Variants in CLPS observed in about 807,000 individuals in gnomAD.
CLPS encodes colipase.
A neutral mutation model predicts 9.3 loss-of-function variants in CLPS; 8 were observed. The ratio of observed to expected loss-of-function variants is 0.86; its 90% CI spans 0.51 to 1.56. The LOEUF (loss-of-function observed/expected upper bound fraction) is 1.56. Among genes scored for constraint, CLPS ranks in the 40% most tolerant of loss-of-function variants. CLPS has a pLI of 0.00. For missense variants in CLPS, 144 were observed against 145.7 expected, an observed-to-expected ratio of 0.99 and a Z score of 0.06; for synonymous variants, 61 against 56.2, an observed-to-expected ratio of 1.09 and a Z score of -0.39.
At position 35,797,269 on chromosome 6, in the gene CLPS, A is replaced by G; in HGVS notation, c.20T>C (p.Leu7Pro). MEKILI[L>P]LLVALSVAYA... is the part of the protein sequence containing the mutation. ...GGCCACAGAGAGGGCGACAAGCAGG[A>G]GGATCAGGATCTTCTCCATGGTGAG... The change falls in exon 1 of 3, where the codon CTC becomes CCC. Residue 7 changes from leucine (L) to proline (P), a missense_variant. Leu to Pro is a moderately conservative substitution (Grantham distance 98). Coordinates refer to ENST00000259938, the MANE Select transcript of CLPS (RefSeq NM_001832.4). 6.2e-7 allele frequency: 1 copy of G among 1,614,030 alleles called. No homozygotes were observed. Among genetic ancestry groups the G allele is most frequent in the Non-Finnish European group, 8.5e-7 (1 of 1,179,956 alleles).
intron 2 of CLPS, 63 bp downstream of exon 2, chr6:35,795,668 C>A: frequency 6.3e-7 from 1 of 1,592,702 alleles, no homozygotes; most frequent in South Asian, 1.1e-5. Flanking sequence ...TGATCCCACT[C>A]ACAAGTGTTC....
chr6:35,795,736 C>A lies in CLPS; in HGVS notation c.202G>T (p.Val68Phe), dbSNP rs1000840014. 7 of 1,612,188 alleles carry A rather than the reference C, an allele frequency of 4.3e-6. No homozygotes were observed. Among genetic ancestry groups the A allele is most frequent in the Non-Finnish European group, 5.9e-6 (7 of 1,179,968 alleles). The part of the protein sequence containing the change: ...SMASENSECS[V>F]KTLYGIYYKC... ...CCAAGTCCTCAGGCACCCACCTTGA[C>A]AGAGCACTCGCTGTTCTCGCTGGCC... The change falls in exon 2 of 3, where the codon GTC (valine) becomes TTC (phenylalanine). Residue 68 changes from valine to phenylalanine, a missense_variant. Physicochemically the swap from Val to Phe is conservative, Grantham distance 50 (BLOSUM62 -1). Transcript: ENST00000259938.
Position 35,795,720 on chromosome 6 carries a change from C to G in CLPS, c.207+11G>C, listed in dbSNP as rs1428469692. 6.2e-7 allele frequency: 1 copy of G among 1,610,814 alleles called. No individual in the cohort carries two copies. Among genetic ancestry groups the G allele is most frequent in the East Asian group, 2.2e-5 (1 of 44,820 alleles). On this transcript the variant is annotated intron_variant, in intron 2 of 2. Transcript: ENST00000259938. ...TTCTCCCCCACCCACGCCAAGTCCT[C>G]AGGCACCCACCTTGACAGAGCACTC...
rs1264620527 is a variant in CLPS, at chr6:35,795,828, C to G, written c.110G>C (p.Ser37Thr). ...NLENGELCMNSAQCKSNCCQH... is the reference protein window; with the variant it reads ...NLENGELCMNTAQCKSNCCQH... ...GCAGCAATTGCTCTTACACTGGGCA[C>G]TATTCATGCAGAGCTCACCGTTCTC... The change falls in exon 2 of 3, where the codon AGT (serine) becomes ACT (threonine). Residue 37 changes from serine to threonine, a missense_variant. Transcript: ENST00000259938. 4 of 1,613,164 alleles carry G rather than the reference C, an allele frequency of 2.5e-6. No individual in the cohort carries two copies. The highest frequency in any genetic ancestry group is 1.7e-5 in the Admixed American group (1 of 60,036).
rs747566036 is a variant in CLPS, at chr6:35,795,883, C to A, written c.85-30G>T. The A allele has an allele frequency of 1.2e-5, 19 of 1,610,256 alleles. No individual in the cohort carries two copies. In the South Asian group the frequency reaches 2.1e-4, roughly 18 times the overall value. On this transcript the variant is annotated intron_variant, in intron 1 of 2. Transcript: ENST00000259938. The stretch of plus-strand genomic sequence containing the variant: ...CAGGAGCAGCCAGTCAGCCCAGGCC[C>A]CACTCCCTCAGGTCCCTTCTCCATT...
chr6:35,795,850 TCTC>T lies in CLPS; in HGVS notation c.85_87del (p.Glu29del). 1 of 1,612,450 alleles carries T rather than the reference TCTC, an allele frequency of 6.2e-7. No homozygotes were observed. The highest frequency in any genetic ancestry group is 8.5e-7 in the Non-Finnish European group (1 of 1,180,006). ...GCACTATTCATGCAGAGCTCACCGT[TCTC>T]CTGCCAGGAGCAGCCAGTCAGCCCA... On this transcript the variant is annotated inframe_deletion and splice_region_variant, in exon 2 of 3. Transcript: ENST00000259938.
At chr6:35,795,385 G>A in intron 2 of CLPS, 108 bp from the exon 3 acceptor site, 1 of 1,486,668 alleles carries the variant, frequency 6.7e-7, no homozygotes, top group Non-Finnish European at 9.1e-7. Flanking sequence ...TTTTCGGGGA[G>A]TGCCTCTCCC....
intron 2 of CLPS, 79 bp downstream of exon 2, chr6:35,795,652 C>A: frequency 6.3e-7 from 1 of 1,578,256 alleles, no homozygotes; most frequent in Non-Finnish European, 8.6e-7. Flanking sequence ...GGCTGACCCC[C>A]CTCCCTGATC....
intron 2 of CLPS, 108 bp downstream of exon 2, chr6:35,795,623 C>T (rs1768339052): frequency 6.5e-7 from 1 of 1,535,676 alleles, no homozygotes; most frequent in Admixed American, 1.7e-5. Context: ...CCTCTCGTCT[C>T]CTCAACATTC....
Position 35,797,278 on chromosome 6 carries a change from A to G in CLPS, c.11T>C (p.Ile4Thr). 1 of 1,613,976 alleles carries G rather than the reference A, an allele frequency of 6.2e-7. No homozygotes were observed. Residue 4 changes from isoleucine (I) to threonine (T), a missense_variant, in exon 1 of 3, where the codon ATC (isoleucine) becomes ACC (threonine). Coordinates refer to ENST00000259938, the MANE Select transcript of CLPS (RefSeq NM_001832.4). ...GAGGGCGACAAGCAGGAGGATCAGG[A>G]TCTTCTCCATGGTGAGTGGGACAGC... is the stretch of plus-strand genomic sequence containing the variant. Reference protein sequence around the residue: MEKILILLLVALSV... With the variant: MEKTLILLLVALSV...
intron 1 of CLPS, 102 bp downstream of exon 1, chr6:35,797,103 C>T (rs1027618664): frequency 8.3e-5 from 92 of 1,105,484 alleles, no homozygotes; most frequent in Non-Finnish European, 1.1e-4. Flanking sequence ...CCACTCCTCC[C>T]AGCCCCTGCC....
intron 2 of CLPS, 131 bp from the exon 3 acceptor site, chr6:35,795,408 A>G: frequency 7.2e-7 from 1 of 1,379,834 alleles, no homozygotes; most frequent in Non-Finnish European, 9.8e-7. Flanking sequence ...CTGCCTCCCC[A>G]GGGGTGCCGT....
chr6:35,796,015 C>T lies in CLPS; in HGVS notation c.85-162G>A, dbSNP rs117023414. Among the ~76,000 whole-genome samples the T allele has an allele frequency of 5.3e-4, 81 of 152,388 alleles. 1 individual carries two copies. The East Asian group carries it at 0.01, about 19-fold the overall frequency. The stretch of plus-strand genomic sequence containing the variant: ...TGGTGGCCTCTGTGCCCCCCACCCA[C>T]GTGAGAAGTGGGCATGCGGTGACAG... On this transcript the variant is annotated intron_variant, in intron 1 of 2. Transcript: ENST00000259938.
chr6:35,797,265 CAGG>C lies in CLPS; in HGVS notation c.21_23del (p.Leu9del), dbSNP rs761365160. On this transcript the variant is annotated inframe_deletion, in exon 1 of 3. Coordinates refer to ENST00000259938, the MANE Select transcript of CLPS (RefSeq NM_001832.4). ...CATAGGCCACAGAGAGGGCGACAAG[CAGG>C]AGGATCAGGATCTTCTCCATGGTGA... The C allele has an allele frequency of 6.2e-7, 1 of 1,613,912 alleles. No homozygotes were observed. Among genetic ancestry groups the C allele is most frequent in the African/African-American group, 1.3e-5 (1 of 74,944 alleles).
In CLPS at chr6:35,795,077, G is replaced by C; in HGVS notation, c.*69C>G. The stretch of plus-strand genomic sequence containing the variant: ...CCAGCCCGGGAGATGCGCTGGAGCA[G>C]GGGAGAGATGCCCCTGCGCCTAGTG... On this transcript the variant is annotated 3_prime_UTR_variant, in exon 3 of 3. Coordinates refer to ENST00000259938, the MANE Select transcript of CLPS (RefSeq NM_001832.4). 1 of 1,576,212 alleles carries C rather than the reference G, an allele frequency of 6.3e-7. No individual in the cohort carries two copies. Among genetic ancestry groups the C allele is most frequent in the Non-Finnish European group, 8.6e-7 (1 of 1,160,226 alleles).
At chr6:35,796,003 G>T in intron 1 of CLPS, 150 bp from the exon 2 acceptor site, 2 of 1,282,092 alleles carry the variant, frequency 1.6e-6, no homozygotes, top group Non-Finnish European at 2.2e-6. Context: ...TGGCCTCTGT[G>T]CCCCCCACCC....
At chr6:35,795,410 G>T (rs1561945795) in intron 2 of CLPS, 133 bp from the exon 3 acceptor site, 6 of 1,348,154 alleles carry the variant, frequency 4.5e-6, no homozygotes, top group Non-Finnish European at 5.0e-6. Flanking sequence ...GCCTCCCCAG[G>T]GGTGCCGTGG....
chr6:35,795,045 G>A lies in CLPS; in HGVS notation c.*101C>T. On this transcript the variant is annotated 3_prime_UTR_variant, in exon 3 of 3. Coordinates refer to ENST00000259938, the MANE Select transcript of CLPS (RefSeq NM_001832.4). ...TCAGAAAACAGATATGCTGGTCAAGGAGGTGGCCAGCCCGGGAGATGCGCT... is the reference window on the plus strand; with the variant it reads ...TCAGAAAACAGATATGCTGGTCAAGAAGGTGGCCAGCCCGGGAGATGCGCT... The A allele has an allele frequency of 6.8e-7, 1 of 1,479,316 alleles. No homozygotes were observed. The highest frequency in any genetic ancestry group is 9.2e-7 in the Non-Finnish European group (1 of 1,092,758). The allele number at this position is 1,479,316 out of a possible 1,614,324, so 91.6% of individuals were successfully genotyped here.
intron 2 of CLPS, 40 bp downstream of exon 2, chr6:35,795,691 C>T (rs1343046568): frequency 6.2e-7 from 1 of 1,606,284 alleles, no homozygotes; most frequent in South Asian, 1.1e-5. Flanking sequence ...GGCCCTACTC[C>T]CCATTCTCCC....
Sources: gnomAD v4.1 joint callset for allele counts (sites outside exome capture counted in the v4.1 genomes callset) on GRCh38, gnomAD v4.1.1 for gene constraint, MANE v1.5 for transcripts, NCBI Gene and HGNC (gene_info 2026-07-23, HGNC 2026-07-21) for gene names.